The following SOS1 variants were observed in gnomAD, a reference collection of about 807,000 sequenced individuals.
SOS1 encodes SOS Ras/Rac guanine nucleotide exchange factor 1, also known as son of sevenless homolog 1.
A neutral mutation model predicts 157.6 loss-of-function variants in SOS1; 25 were observed. The ratio of observed to expected loss-of-function variants is 0.16; its 90% CI spans 0.12 to 0.22. The LOEUF (loss-of-function observed/expected upper bound fraction) is 0.22. Ranked by LOEUF, SOS1 falls within the 10% of genes least tolerant of loss-of-function variation. SOS1 has a pLI of 1.00. For missense variants in SOS1, 1,237 were observed against 1,599.1 expected (o/e 0.77, Z 3.86); for synonymous variants, 528 against 534.0 (o/e 0.99, Z 0.16).
chr2:39,078,263 C>G (rs1672083176), intron 1 of SOS1, among the ~76,000 whole-genome samples: 1 of 152,050 alleles, frequency 6.6e-6, no homozygotes, highest in Non-Finnish European at 1.5e-5. Flanking sequence ...TTATTTTACA[C>G]CTACTATTTT....
At chr2:39,078,264 C>T (rs1208420358) in intron 1 of SOS1, among the ~76,000 whole-genome samples, 1 of 152,040 alleles carries the variant, frequency 6.6e-6, no homozygotes, top group East Asian at 1.9e-4. Flanking sequence ...TATTTTACAC[C>T]TACTATTTTG....
At chr2:39,062,610 A>G (rs1044218726) in intron 2 of SOS1, among the ~76,000 whole-genome samples, 8 of 150,714 alleles carry the variant, frequency 5.3e-5, no homozygotes, top group Admixed American at 2.6e-4. Context: ...AAAAAAAAAA[A>G]GCCTGAGATG....
chr2:39,039,591 TTTA>T (rs1329121172), intron 6 of SOS1, among the ~76,000 whole-genome samples: 1 of 152,232 alleles, frequency 6.6e-6, no homozygotes, highest in Non-Finnish European at 1.5e-5. Flanking sequence ...CTGAGAATTG[TTTA>T]TTAATAGCTT....
chr2:39,012,383 ATTCTT>A, intron 13 of SOS1, 35 bp from the exon 14 acceptor site: 7 of 940,916 alleles, frequency 7.4e-6, no homozygotes, highest in East Asian at 3.0e-5. Context: ...ACATTTAAAT[ATTCTT>A]TATTTAATAT....
In SOS1 at chr2:39,022,742, C is replaced by G. The variant is rs199778219; in HGVS notation, c.1686G>C (p.Glu562Asp). ...TAGGCAGCCTCATCTGCTCCTCTTT[C>G]TCTTCCTGTAGCATTGTTACATCAA... is the stretch of plus-strand genomic sequence containing the variant. Reference protein sequence around the residue: ...RMLDVTMLQEEKEEQMRLPSA... With the variant: ...RMLDVTMLQEDKEEQMRLPSA... The change falls in exon 10 of 23, where the codon GAG (glutamate) becomes GAC (aspartate). Residue 562 changes from glutamate (E) to aspartate (D), a missense_variant. By Grantham distance (45) the Glu-to-Asp change is conservative (BLOSUM62 2). Around this residue, in one of 15 missense-constraint regions of SOS1, gnomAD observed 210 missense variants for 220.2 expected, o/e 0.95. Transcript: ENST00000402219. 1 of 1,613,810 alleles carries G rather than the reference C, an allele frequency of 6.2e-7. No homozygotes were observed. Among genetic ancestry groups the G allele is most frequent in the East Asian group, 2.2e-5 (1 of 44,874 alleles).
At chr2:39,012,376 T>C in intron 13 of SOS1, 28 bp from the exon 14 acceptor site, 1 of 1,033,864 alleles carries the variant, frequency 9.7e-7, no homozygotes, top group Non-Finnish European at 1.4e-6. Context: ...TTAAATAACA[T>C]TTAAATATTC....
intron 2 of SOS1, among the ~76,000 whole-genome samples, chr2:39,066,869 C>T (rs1328973363): frequency 6.6e-6 from 1 of 152,152 alleles, no homozygotes. Context: ...AATGCTTGGA[C>T]ATATGCCACT....
intron 6 of SOS1, among the ~76,000 whole-genome samples, chr2:39,045,792 T>C (rs1416744280): frequency 6.6e-6 from 1 of 152,124 alleles, no homozygotes; most frequent in Non-Finnish European, 1.5e-5. Context: ...TCACCGCAAC[T>C]CCGCCTCCTG....
At chr2:39,032,004 AATTT>A (rs1184527384) in intron 8 of SOS1, among the ~76,000 whole-genome samples, 2 of 152,148 alleles carry the variant, frequency 1.3e-5, no homozygotes, top group African/African-American at 4.8e-5. Context: ...CACTATTTTT[AATTT>A]ATTTTTTAAT....
chr2:39,010,417 A>G (rs894464213), intron 15 of SOS1, among the ~76,000 whole-genome samples, 167 bp downstream of exon 15: 1 of 151,832 alleles, frequency 6.6e-6, no homozygotes, highest in Non-Finnish European at 1.5e-5. Context: ...AGGTGGGAGG[A>G]TCGCTTGAGC....
chr2:38,988,447 T>G (rs903950430), intron 21 of SOS1, among the ~76,000 whole-genome samples: 3 of 152,118 alleles, frequency 2.0e-5, no homozygotes, highest in Admixed American at 6.6e-5. Flanking sequence ...TAAAAAAAGA[T>G]GTGAAAAAAA....
intron 1 of SOS1, among the ~76,000 whole-genome samples, chr2:39,081,733 G>A (rs746667268): frequency 4.6e-5 from 7 of 152,016 alleles, no homozygotes; most frequent in Non-Finnish European, 1.0e-4. Context: ...GCTGAGGCAG[G>A]AGAATCACTT....
chr2:38,987,238 T>C (rs1668583959), intron 22 of SOS1, among the ~76,000 whole-genome samples: 2 of 152,210 alleles, frequency 1.3e-5, no homozygotes, highest in Non-Finnish European at 2.9e-5. Context: ...TTTGTTTTTT[T>C]CTGAAAATAA....
Position 38,984,428 on chromosome 2 carries a change from C to G in SOS1, c.*1396G>C, listed in dbSNP as rs974302565. On this transcript the variant is annotated 3_prime_UTR_variant, in exon 23 of 23. Coordinates refer to ENST00000402219, the MANE Select transcript of SOS1 (RefSeq NM_005633.4). The stretch of plus-strand genomic sequence containing the variant: ...GAATAGTTTTGATAAAGCAGAAAAC[C>G]TCAAGCAAGGTAGAATGTTCAATAT... 6.6e-6 allele frequency: 1 copy of G among 152,080 alleles called. No homozygotes were observed. Among genetic ancestry groups the G allele is most frequent in the Non-Finnish European group, 1.5e-5 (1 of 68,014 alleles). The allele number at this position is 152,080 out of a possible 1,614,324, so 9.4% of individuals were successfully genotyped here.
chr2:39,039,741 G>A (rs74818497), intron 6 of SOS1, among the ~76,000 whole-genome samples: 1,677 of 152,176 alleles, frequency 0.011, 26 homozygotes, highest in African/African-American at 0.038. Context: ...ACAGAATTGT[G>A]CAACTACCAT....
At chr2:38,991,842 A>G (rs10184025) in intron 20 of SOS1, among the ~76,000 whole-genome samples, 2 of 152,002 alleles carry the variant, frequency 1.3e-5, no homozygotes, top group African/African-American at 4.8e-5. Context: ...GTAAGTGTTT[A>G]GCAAGGAATA....
At chr2:39,067,987 T>C (rs748166323) in intron 1 of SOS1, among the ~76,000 whole-genome samples, 1 of 152,000 alleles carries the variant, frequency 6.6e-6, no homozygotes, top group East Asian at 1.9e-4. Context: ...GGCCTTGTGG[T>C]GTGCGCCTGT....
chr2:39,055,630 A>T (rs1260868513), intron 4 of SOS1, among the ~76,000 whole-genome samples: 1 of 152,232 alleles, frequency 6.6e-6, no homozygotes, highest in African/African-American at 2.4e-5. Flanking sequence ...AGAACAAATA[A>T]ATACTAAAAC....
chr2:39,040,176 T>A (rs1670516727), intron 6 of SOS1, among the ~76,000 whole-genome samples: 1 of 151,518 alleles, frequency 6.6e-6, no homozygotes, highest in Non-Finnish European at 1.5e-5. Context: ...TACACCCGGC[T>A]AATTTTTTTT....
Sources: allele counts gnomAD v4.1 joint callset (sites outside exome capture counted in the v4.1 genomes callset), GRCh38; gene constraint gnomAD v4.1.1; regional missense constraint gnomAD v4.1.1; transcripts MANE v1.5; gene names NCBI Gene and HGNC (gene_info 2026-07-23, HGNC 2026-07-21).